MBTPS1: variants seen among roughly 807,000 people sequenced by gnomAD.
The protein encoded by MBTPS1 is membrane-bound transcription factor site-1 protease.
Under a neutral mutation model 127.8 loss-of-function variants are expected in MBTPS1, and 94 were observed. The ratio of observed to expected loss-of-function variants is 0.74; its 90% CI spans 0.62 to 0.87. The LOEUF is 0.87. Among genes scored for constraint, MBTPS1 ranks in the 40% least tolerant of loss-of-function variants. MBTPS1 has a pLI of 0.00. For missense variants in MBTPS1, 1,636 were observed against 1,353.2 expected, an observed-to-expected ratio of 1.21 and a Z score of -3.28; for synonymous variants, 632 against 509.4, an observed-to-expected ratio of 1.24 and a Z score of -3.24.
intron 19 of MBTPS1, 66 bp from the exon 20 acceptor site, chr16:84,060,879 C>A: frequency 6.8e-7 from 1 of 1,479,834 alleles, no homozygotes; most frequent in South Asian, 1.3e-5. Context: ...ACGCTCTTGT[C>A]ACCCAGTGCA....
At chr16:84,080,567 G>C (rs1489875977) in intron 11 of MBTPS1, among the ~76,000 whole-genome samples, 1 of 152,216 alleles carries the variant, frequency 6.6e-6, no homozygotes, top group Non-Finnish European at 1.5e-5. Context: ...GCCACCCTCA[G>C]GTCCTCACAC....
chr16:84,087,477 AAAAAAAAAAAAG>A lies in MBTPS1; in HGVS notation c.1032-29_1032-18del. 1 of 1,252,878 alleles carries A rather than the reference AAAAAAAAAAAAG, an allele frequency of 8.0e-7. No individual in the cohort carries two copies. The highest frequency in any genetic ancestry group is 1.1e-6 in the Non-Finnish European group (1 of 909,436). The allele number at this position is 1,252,878 out of a possible 1,614,324, so 77.6% of individuals were successfully genotyped here. A position where few individuals can be genotyped will look rare whatever the true frequency, so the allele number is the denominator to read the frequency against. ...TTCAGAGTGCTATATTGAGACCAAA[AAAAAAAAAAAAG>A]AAAAGAAAAAGAAAAAAACAAGAGA... On this transcript the variant is annotated intron_variant, in intron 8 of 22. Transcript: ENST00000343411.
At chr16:84,067,922 G>T in intron 15 of MBTPS1, 99 bp from the exon 16 acceptor site, 1 of 1,177,976 alleles carries the variant, frequency 8.5e-7, no homozygotes, top group Non-Finnish European at 1.2e-6. Context: ...TCAGGTTACT[G>T]ACACCTAACA....
chr16:84,069,883 C>G lies in MBTPS1; in HGVS notation c.1938G>C (p.Lys646Asn), dbSNP rs780390400. The G allele has an allele frequency of 1.2e-5, 20 of 1,613,956 alleles. No individual in the cohort carries two copies. Among genetic ancestry groups the G allele is most frequent in the Middle Eastern group, 3.3e-4 (2 of 6,040 alleles). The change falls in exon 14 of 23, where the codon AAG (lysine) becomes AAC (asparagine). Residue 646 changes from lysine (K) to asparagine (N), a missense_variant. By Grantham distance (94) the Lys-to-Asn change is moderately conservative. Coordinates refer to ENST00000343411, the MANE Select transcript of MBTPS1 (RefSeq NM_003791.4). ...GTGCTTACCAGTCTAAAGGGTCATT[C>G]TTCATCCTTAAATTATCCCTGGGGA... is the stretch of plus-strand genomic sequence containing the variant. ...GYFPRDNLRM[K>N]NDPLDWNGDH...
intron 1 of MBTPS1, among the ~76,000 whole-genome samples, chr16:84,108,771 A>G (rs1404816818): frequency 6.6e-6 from 1 of 152,226 alleles, no homozygotes; most frequent in African/African-American, 2.4e-5. Flanking sequence ...TGAAGAAGGC[A>G]CCAGGCAGGC....
intron 3 of MBTPS1, among the ~76,000 whole-genome samples, chr16:84,096,864 G>A (rs1170314045): frequency 6.6e-6 from 1 of 152,194 alleles, no homozygotes; most frequent in African/African-American, 2.4e-5. Flanking sequence ...CTGAGACCAG[G>A]AATGGGCCTG....
chr16:84,067,522 G>C (rs2085703192), intron 16 of MBTPS1, 145 bp downstream of exon 16: 4 of 659,530 alleles, frequency 6.1e-6, no homozygotes, highest in South Asian at 5.8e-5. Flanking sequence ...TCAGTCGAAA[G>C]GGCTTTTTTT....
intron 3 of MBTPS1, among the ~76,000 whole-genome samples, chr16:84,096,519 T>A (rs2086182028): frequency 6.6e-6 from 1 of 152,238 alleles, no homozygotes; most frequent in South Asian, 2.1e-4. Context: ...AAAAAGGCAG[T>A]ACCACAGAAA....
Position 84,074,606 on chromosome 16 carries a change from A to C in MBTPS1, c.1584T>G (p.Ile528Met). 6.2e-7 allele frequency: 1 copy of C among 1,613,922 alleles called. No individual in the cohort carries two copies. Among genetic ancestry groups the C allele is most frequent in the Non-Finnish European group, 8.5e-7 (1 of 1,179,872 alleles). Residue 528 changes from isoleucine to methionine, a missense_variant, in exon 12 of 23, where the codon ATT (isoleucine) becomes ATG (methionine). By Grantham distance (10) the Ile-to-Met change is conservative. Transcript: ENST00000343411. ...CAGAGAGAAGTTTCACCTTATCTAC[A>C]ATTCTTCCTGTGACTCCCATGCCGT... ...ILNGMGVTGR[I>M]VDKPDWQPYL...
chr16:84,062,215 G>A (rs542366414), intron 19 of MBTPS1, among the ~76,000 whole-genome samples: 8 of 152,112 alleles, frequency 5.3e-5, no homozygotes, highest in Non-Finnish European at 1.2e-4. Context: ...CTGCCTCCCG[G>A]GTTCAAGCAA....
chr16:84,063,535 C>T (rs888880297), intron 18 of MBTPS1, 90 bp from the exon 19 acceptor site: 1 of 1,233,642 alleles, frequency 8.1e-7, no homozygotes. Context: ...GACAAATAAA[C>T]CACATTTACA....
chr16:84,060,412 G>A (rs1011426714), intron 20 of MBTPS1: 3 of 384,980 alleles, frequency 7.8e-6, no homozygotes, highest in African/African-American at 4.0e-5. Context: ...GAGCGGGACG[G>A]TAAACACACT....
intron 3 of MBTPS1, among the ~76,000 whole-genome samples, chr16:84,096,266 TAAAAC>T (rs2086178828): frequency 2.0e-5 from 3 of 152,164 alleles, no homozygotes; most frequent in South Asian, 2.1e-4. Flanking sequence ...CAACAGGACT[TAAAAC>T]AACTGTATAT....
At chr16:84,070,420 C>T (rs2085752999) in intron 13 of MBTPS1, among the ~76,000 whole-genome samples, 168 bp downstream of exon 13, 1 of 152,236 alleles carries the variant, frequency 6.6e-6, no homozygotes, top group African/African-American at 2.4e-5. Context: ...GCTACTTCTT[C>T]AAACTCCAGC....
Position 84,087,406 on chromosome 16 carries a change from G to A in MBTPS1, c.1086C>T (p.Asp362=), listed in dbSNP as rs1220572680. The change falls in exon 9 of 23, where the codon GAC becomes GAT. Residue 362 remains aspartate (D), a synonymous_variant. Coordinates refer to ENST00000343411, the MANE Select transcript of MBTPS1 (RefSeq NM_003791.4). ...QMDVIGVGGI[D]FEDNIARFSS... is the part of the protein sequence containing the mutation. ...AAAAGCGGGCGATGTTATCTTCAAAGTCAATGCCGCCTACTCCAATCACAT... is the reference window on the plus strand; with the variant it reads ...AAAAGCGGGCGATGTTATCTTCAAAATCAATGCCGCCTACTCCAATCACAT... 1 of 1,611,322 alleles carries A rather than the reference G, an allele frequency of 6.2e-7. No individual in the cohort carries two copies. Among genetic ancestry groups the A allele is most frequent in the African/African-American group, 1.3e-5 (1 of 74,104 alleles).
At chr16:84,095,981 C>T (rs992145101) in intron 3 of MBTPS1, among the ~76,000 whole-genome samples, 176 bp from the exon 4 acceptor site, 2 of 152,044 alleles carry the variant, frequency 1.3e-5, no homozygotes, top group Non-Finnish European at 2.9e-5. Context: ...AATTATAGGA[C>T]GTTATTTAGC....
At chr16:84,091,155 T>C (rs1451326355) in intron 7 of MBTPS1, among the ~76,000 whole-genome samples, 1 of 152,168 alleles carries the variant, frequency 6.6e-6, no homozygotes, top group African/African-American at 2.4e-5. Context: ...GCTGACTTTC[T>C]AGTCACTTTG....
chr16:84,099,088 T>A lies in MBTPS1; in HGVS notation c.386A>T (p.Gln129Leu), dbSNP rs1597345675. The part of the protein sequence containing the change: ...DHPNIKRVTP[Q>L]RKVFRSLKYA... ...CTTGAGGGAACGAAAGACTTTTCGT[T>A]GGGGCGTGACCCGTTTGATGTTTGG... The change falls in exon 3 of 23, where the codon CAA becomes CTA. Residue 129 changes from glutamine (Q) to leucine (L), a missense_variant. Coordinates refer to ENST00000343411, the MANE Select transcript of MBTPS1 (RefSeq NM_003791.4). The A allele has an allele frequency of 1.2e-6, 2 of 1,614,188 alleles. No homozygotes were observed. Among genetic ancestry groups the A allele is most frequent in the Non-Finnish European group, 1.7e-6 (2 of 1,180,036 alleles).
At chr16:84,102,586 A>C (rs1464035045) in intron 1 of MBTPS1, among the ~76,000 whole-genome samples, 1 of 152,232 alleles carries the variant, frequency 6.6e-6, no homozygotes, top group African/African-American at 2.4e-5. Context: ...AGAAGAAGGC[A>C]TCAGGATGAT....
Sources: gnomAD v4.1 joint callset for allele counts (sites outside exome capture counted in the v4.1 genomes callset) on GRCh38, gnomAD v4.1.1 for gene constraint, MANE v1.5 for transcripts, NCBI Gene and HGNC (gene_info 2026-07-23, HGNC 2026-07-21) for gene names.